The following PDE11A variants were observed in gnomAD, a reference collection of about 807,000 sequenced individuals.
PDE11A encodes dual 3',5'-cyclic-AMP and -GMP phosphodiesterase 11A.
PDE11A carries 100 observed loss-of-function variants against 100.5 expected under a neutral mutation model. That is an observed-to-expected ratio of 1.00 (90% CI 0.85 to 1.18). PDE11A has a LOEUF of 1.18. Ranked by LOEUF, PDE11A falls within the 50% of genes most tolerant of loss-of-function variation. The probability of loss-of-function intolerance (pLI) is 0.00; values close to 1 mark genes in which losing one functional copy is unlikely to be tolerated. For missense variants in PDE11A, 1,141 were observed against 1,152.6 expected (o/e 0.99, Z 0.15); for synonymous variants, 381 against 420.8 (o/e 0.91, Z 1.16).
chr2:177,660,154 TTCTCTC>T (rs67756876), intron 19 of PDE11A, among the ~76,000 whole-genome samples: 1 of 134,872 alleles, frequency 7.4e-6, no homozygotes, highest in Non-Finnish European at 1.6e-5. Flanking sequence ...TCTTTCTTTC[TTCTCTC>T]TCTCTCTCTC....
intron 1 of PDE11A, among the ~76,000 whole-genome samples, chr2:178,050,253 C>A (rs2086806792): frequency 6.6e-6 from 1 of 152,166 alleles, no homozygotes; most frequent in Admixed American, 6.5e-5. Flanking sequence ...TGGGGTGGAC[C>A]TCCAGCAAAC....
At chr2:177,732,548 G>C (rs181225580) in intron 10 of PDE11A, among the ~76,000 whole-genome samples, 7 of 152,228 alleles carry the variant, frequency 4.6e-5, no homozygotes, top group Non-Finnish European at 2.9e-5. Context: ...GGTGGCCCCT[G>C]TCTTGTAGAT....
chr2:177,898,216 G>A lies in PDE11A; in HGVS notation c.1162-18C>T, dbSNP rs1360569905. Reference sequence around the variant, plus strand: ...AGCAAAGCCTAGAAAAGATGAAATAGATGTATATAAGTGGATGTAAAACTG... The same window carrying A: ...AGCAAAGCCTAGAAAAGATGAAATAAATGTATATAAGTGGATGTAAAACTG... On this transcript the variant is annotated intron_variant, in intron 3 of 19. Transcript: ENST00000286063. The A allele has an allele frequency of 6.3e-6, 10 of 1,580,208 alleles. No homozygotes were observed. Among genetic ancestry groups the A allele is most frequent in the Middle Eastern group, 1.7e-4 (1 of 6,020 alleles).
intron 15 of PDE11A, among the ~76,000 whole-genome samples, chr2:177,686,338 A>G (rs1462125468): frequency 2.8e-4 from 43 of 152,146 alleles, no homozygotes; most frequent in Admixed American, 2.8e-3. Flanking sequence ...GGGCCAAGGG[A>G]GGAGGATTGC....
rs1559117334 is a variant in PDE11A, at chr2:177,631,539, A to ATATATATATATC, written c.2647-1978_2647-1977insGATATATATATA. On this transcript the variant is annotated intron_variant, in intron 19 of 19. Transcript: ENST00000286063. ...TATATATATATATATATATATATATATATATATACACATGTATATATATAT... is the reference window on the plus strand; with the variant it reads ...TATATATATATATATATATATATATATATATATATATCTATATATACACATGTATATATATAT... Among the ~76,000 whole-genome samples the ATATATATATATC allele has an allele frequency of 1.4e-3, 38 of 27,330 alleles. 3 individuals carry two copies. The highest frequency in any genetic ancestry group is 5.4e-3 in the African/African-American group (37 of 6,910). 17.9% of individuals were successfully genotyped at this position (27,330 alleles called of 152,430 possible).
chr2:177,649,427 T>G (rs2080275138), intron 19 of PDE11A, among the ~76,000 whole-genome samples: 1 of 152,146 alleles, frequency 6.6e-6, no homozygotes, highest in African/African-American at 2.4e-5. Context: ...AATCTAATAC[T>G]ATGCAGCCAT....
At chr2:178,104,082 A>G (rs1321412661) in intron 2 of PDE11A, among the ~76,000 whole-genome samples, 1 of 152,232 alleles carries the variant, frequency 6.6e-6, no homozygotes, top group African/African-American at 2.4e-5. Context: ...TACCCTGTAT[A>G]GGCAAAAACC....
At chr2:177,688,990 A>G (rs991761031) in intron 15 of PDE11A, among the ~76,000 whole-genome samples, 3 of 152,226 alleles carry the variant, frequency 2.0e-5, no homozygotes, top group Admixed American at 6.5e-5. Flanking sequence ...CTATTCATCT[A>G]ACTCCTTTGA....
At chr2:177,926,812 T>C in intron 2 of PDE11A, 1 of 152,162 alleles carries the variant, frequency 6.6e-6, no homozygotes. Context: ...GTACTTAAAA[T>C]CCTGGCTCAT....
intron 5 of PDE11A, among the ~76,000 whole-genome samples, chr2:177,847,153 G>A (rs1397565952): frequency 1.3e-5 from 2 of 152,106 alleles, no homozygotes; most frequent in African/African-American, 4.8e-5. Context: ...CTTGTTAATA[G>A]TCCTTTGGAG....
Position 177,749,386 on chromosome 2 carries a change from C to T in PDE11A, c.1788+19937G>A, listed in dbSNP as rs117573046. On this transcript the variant is annotated intron_variant, in intron 10 of 19. Transcript: ENST00000286063. ...GCCACTGTAGGAGCTAATATTCTAA[C>T]TCTTTTTTGTTGTTTTTATACTTTC... 3.3e-3 allele frequency among the ~76,000 whole-genome samples: 495 copies of T among 152,244 alleles called. 5 individuals are homozygous for T. In the East Asian group the frequency reaches 0.048, roughly 15 times the overall value.
At chr2:177,792,785 G>A (rs1006502484) in intron 9 of PDE11A, among the ~76,000 whole-genome samples, 2 of 152,182 alleles carry the variant, frequency 1.3e-5, no homozygotes, top group African/African-American at 2.4e-5. Flanking sequence ...AATGCAGTCT[G>A]GGATGTACCG....
chr2:177,717,104 C>T (rs1484070480), intron 12 of PDE11A, among the ~76,000 whole-genome samples: 1 of 152,126 alleles, frequency 6.6e-6, no homozygotes, highest in Non-Finnish European at 1.5e-5. Flanking sequence ...ATCTCTAGAT[C>T]CTCGGAGTAG....
intron 2 of PDE11A, among the ~76,000 whole-genome samples, chr2:178,080,861 G>A (rs2087276441): frequency 6.6e-6 from 1 of 151,544 alleles, no homozygotes; most frequent in Non-Finnish European, 1.5e-5. Context: ...TATTTTTTGA[G>A]TGATCATGAT....
intron 9 of PDE11A, among the ~76,000 whole-genome samples, chr2:177,780,239 T>G (rs1444555256): frequency 6.6e-6 from 1 of 152,142 alleles, no homozygotes; most frequent in Non-Finnish European, 1.5e-5. Flanking sequence ...CAGAGTAGAT[T>G]TAGCATAATT....
At chr2:177,927,615 A>G (rs2085147828) in intron 2 of PDE11A, among the ~76,000 whole-genome samples, 1 of 152,230 alleles carries the variant, frequency 6.6e-6, no homozygotes, top group African/African-American at 2.4e-5. Flanking sequence ...TTTGCTGACA[A>G]TATATCAAAT....
chr2:177,993,803 C>G (rs1277587018), intron 2 of PDE11A, among the ~76,000 whole-genome samples: 1 of 151,950 alleles, frequency 6.6e-6, no homozygotes, highest in Non-Finnish European at 1.5e-5. Flanking sequence ...TCTTGCTAGA[C>G]AAGACAGACT....
intron 9 of PDE11A, among the ~76,000 whole-genome samples, chr2:177,797,697 G>A (rs2082725156): frequency 6.6e-6 from 1 of 152,146 alleles, no homozygotes; most frequent in Non-Finnish European, 1.5e-5. Context: ...CTCTTATCCA[G>A]GATCTCAAAG....
At chr2:177,695,759 A>G (rs960918494) in intron 15 of PDE11A, among the ~76,000 whole-genome samples, 1 of 152,174 alleles carries the variant, frequency 6.6e-6, no homozygotes, top group African/African-American at 2.4e-5. Flanking sequence ...TAAGCATTCT[A>G]TATACTGATT....
Sources: allele counts gnomAD v4.1 joint callset (sites outside exome capture counted in the v4.1 genomes callset), GRCh38; gene constraint gnomAD v4.1.1; transcripts MANE v1.5; gene names NCBI Gene and HGNC (gene_info 2026-07-23, HGNC 2026-07-21).